Variants in CPVL observed in about 807,000 individuals in gnomAD.
CPVL encodes probable serine carboxypeptidase CPVL.
In CPVL, 51 loss-of-function variants were observed where a neutral mutation model predicts 63.7. The ratio of observed to expected loss-of-function variants is 0.80; its 90% CI spans 0.64 to 1.01. The LOEUF is 1.01. Ranked by LOEUF, CPVL falls within the 50% of genes least tolerant of loss-of-function variation. CPVL has a pLI of 0.00. For synonymous variants in CPVL, 195 were observed against 206.0 expected (o/e 0.95, Z 0.46); for missense variants, 530 against 573.1 (o/e 0.92, Z 0.77).
At chr7:29,008,192 T>C (rs1785399594) in intron 12 of CPVL, among the ~76,000 whole-genome samples, 1 of 152,188 alleles carries the variant, frequency 6.6e-6, no homozygotes, top group Non-Finnish European at 1.5e-5. Context: ...GATGATATGG[T>C]ATTTTGTTTT....
chr7:29,036,772 T>C (rs758122056), intron 11 of CPVL, among the ~76,000 whole-genome samples: 3 of 152,204 alleles, frequency 2.0e-5, no homozygotes, highest in Non-Finnish European at 2.9e-5. Flanking sequence ...AAAGGAAGTT[T>C]TTGAGTAATA....
At chr7:29,041,391 T>C (rs896914742) in intron 11 of CPVL, among the ~76,000 whole-genome samples, 3 of 152,098 alleles carry the variant, frequency 2.0e-5, no homozygotes, top group Non-Finnish European at 4.4e-5. Flanking sequence ...AACTGAATTT[T>C]AATAAACTGA....
At chr7:29,135,033 G>A (rs1350056135) in intron 1 of CPVL, among the ~76,000 whole-genome samples, 2 of 151,364 alleles carry the variant, frequency 1.3e-5, no homozygotes, top group African/African-American at 4.9e-5. Context: ...GGCCCCAGGA[G>A]GTCAAGGCTC....
chr7:29,129,351 T>C (rs1360183477), intron 1 of CPVL, among the ~76,000 whole-genome samples: 2 of 152,234 alleles, frequency 1.3e-5, no homozygotes, highest in Non-Finnish European at 2.9e-5. Context: ...TGAATTGTTA[T>C]GTGCTGAGCT....
intron 5 of CPVL, among the ~76,000 whole-genome samples, chr7:29,156,505 C>A (rs979239343): frequency 1.3e-4 from 20 of 152,284 alleles, no homozygotes; most frequent in African/African-American, 3.9e-4. Flanking sequence ...TGTGAAATAA[C>A]CAGCCATATG....
intron 11 of CPVL, among the ~76,000 whole-genome samples, chr7:29,035,060 AGACG>A (rs757055571): frequency 6.6e-5 from 10 of 151,022 alleles, no homozygotes; most frequent in Admixed American, 4.6e-4. Flanking sequence ...CCTTTCCAAG[AGACG>A]GCATTTGGTG....
chr7:29,142,319 G>C (rs138372907), intron 1 of CPVL, among the ~76,000 whole-genome samples: 6 of 151,846 alleles, frequency 4.0e-5, no homozygotes, highest in Admixed American at 2.0e-4. Context: ...TTCTCTTTCC[G>C]TACATTCCCA....
chr7:29,029,284 C>T (rs1370758630), intron 12 of CPVL, among the ~76,000 whole-genome samples: 1 of 152,150 alleles, frequency 6.6e-6, no homozygotes, highest in African/African-American at 2.4e-5. Context: ...CCATATGCTG[C>T]AGCAATTCCA....
At chr7:29,096,292 C>T (rs1786394789) in intron 3 of CPVL, 75 bp from the exon 4 acceptor site, 3 of 1,157,232 alleles carry the variant, frequency 2.6e-6, no homozygotes, top group Middle Eastern at 1.9e-4. Context: ...AGCAAACTTA[C>T]CCAAATCCTC....
chr7:28,995,951 A>G (rs1784013879), intron 12 of CPVL, 69 bp from the exon 13 acceptor site: 1 of 888,842 alleles, frequency 1.1e-6, no homozygotes, highest in African/African-American at 1.7e-5. Flanking sequence ...GAAAGTTTTC[A>G]TTCAGATTAA....
At chr7:29,004,792 G>T (rs190048227) in intron 12 of CPVL, among the ~76,000 whole-genome samples, 411 of 152,290 alleles carry the variant, frequency 2.7e-3, no homozygotes, top group African/African-American at 9.5e-3. Context: ...AGGCAATCTG[G>T]AATGGTTGCT....
At chr7:29,125,982 G>C (rs990241478) in intron 1 of CPVL, among the ~76,000 whole-genome samples, 1 of 152,180 alleles carries the variant, frequency 6.6e-6, no homozygotes, top group Non-Finnish European at 1.5e-5. Flanking sequence ...CAGCGCAAGA[G>C]AGCTGATGGT....
rs555626825 is a variant in CPVL at position 29,141,536 on chromosome 7, TG to T, written c.-11+4892del. 4.0e-5 allele frequency among the ~76,000 whole-genome samples: 6 copies of T among 151,494 alleles called. No homozygotes were observed. In the East Asian group the frequency reaches 1.2e-3, roughly 30 times the overall value. ...CTGCACTCCAGCCTGGGCGACAGGG[TG>T]AAACTCCATTTCAAAAAATAAAAAT... On this transcript the variant is annotated intron_variant, in intron 1 of 12. Transcript: ENST00000265394.
At chr7:29,174,698 T>C (rs531684308) in intron 5 of CPVL, among the ~76,000 whole-genome samples, 2 of 152,094 alleles carry the variant, frequency 1.3e-5, no homozygotes, top group African/African-American at 4.8e-5. Context: ...CCATCTATGC[T>C]AAAGATACAA....
rs527380851 is a variant in CPVL at position 29,146,419 on chromosome 7, C to T, written c.-11+10G>A. On this transcript the variant is annotated intron_variant, in intron 1 of 12. Coordinates refer to ENST00000265394, the MANE Select transcript of CPVL (RefSeq NM_031311.5). Reference sequence around the variant, plus strand: ...GCTGGCACGACCCACGCAGGGCAGGCGGCACTTACGCGGCGCAGTCGGTGC... The same window carrying T: ...GCTGGCACGACCCACGCAGGGCAGGTGGCACTTACGCGGCGCAGTCGGTGC... 1.1e-5 allele frequency: 12 copies of T among 1,050,454 alleles called. No homozygotes were observed. The highest frequency in any genetic ancestry group is 8.0e-5 in the African/African-American group (5 of 62,274). 65.1% of individuals were successfully genotyped at this position (1,050,454 alleles called of 1,614,324 possible).
intron 2 of CPVL, chr7:29,113,549 G>A (rs1788465007): frequency 6.6e-6 from 1 of 152,364 alleles, no homozygotes; most frequent in Non-Finnish European, 1.5e-5. Context: ...GGATGCCCAG[G>A]AGTAAAGAAT....
intron 12 of CPVL, among the ~76,000 whole-genome samples, chr7:29,007,820 T>TTTG (rs1785353437): frequency 2.6e-5 from 4 of 152,108 alleles, no homozygotes; most frequent in Admixed American, 2.0e-4. Context: ...TAGAGGCCGA[T>TTTG]TTGATTTTAA....
At chr7:29,082,439 C>T (rs1051152471) in intron 7 of CPVL, 1 of 152,202 alleles carries the variant, frequency 6.6e-6, no homozygotes, top group Non-Finnish European at 1.5e-5. Flanking sequence ...TTCCACTTCT[C>T]TTTTCTGCCA....
chr7:29,121,041 C>T lies in CPVL; in HGVS notation c.21G>A (p.Lys7=). The change falls in exon 2 of 13, where the codon AAG becomes AAA. Residue 7 remains lysine (K), a synonymous_variant. Transcript: ENST00000265394. ...TCAACAGGACCAGCGAAACAATCAC[C>T]TTCCACATGGCACCAACCATCTCTC... MVGAMW[K]VIVSLVLLMP... is the part of the protein sequence containing the mutation. 9 of 1,606,432 alleles carry T rather than the reference C, an allele frequency of 5.6e-6. No individual in the cohort carries two copies. The highest frequency in any genetic ancestry group is 7.6e-6 in the Non-Finnish European group (9 of 1,177,608).
Sources: allele counts gnomAD v4.1 joint callset (sites outside exome capture counted in the v4.1 genomes callset), GRCh38; gene constraint gnomAD v4.1.1; transcripts MANE v1.5; gene names NCBI Gene and HGNC (gene_info 2026-07-23, HGNC 2026-07-21).